DNAI3: variants seen among roughly 807,000 people sequenced by gnomAD.
DNAI3 encodes the protein dynein axonemal intermediate chain 3, also known as WD repeat domain 63.
In DNAI3, 83 loss-of-function variants were observed where a neutral mutation model predicts 115.5. That is an observed-to-expected ratio of 0.72 (90% CI 0.60 to 0.86). The LOEUF (loss-of-function observed/expected upper bound fraction) is 0.86, where lower values mean the gene tolerates loss of function less well. Ranked by LOEUF, DNAI3 falls within the 40% of genes least tolerant of loss-of-function variation. The pLI is 0.00. For synonymous variants in DNAI3, 320 were observed against 347.0 expected (o/e 0.92, Z 0.86); for missense variants, 1,004 against 1,075.8 (o/e 0.93, Z 0.93).
chr1:85,098,218 C>T (rs2100586175), intron 12 of DNAI3, among the ~76,000 whole-genome samples: 1 of 152,220 alleles, frequency 6.6e-6, no homozygotes, highest in South Asian at 2.1e-4. Context: ...AGTCTCTTAC[C>T]AAAGAATGGT....
chr1:85,078,295 G>T (rs1487142276), intron 3 of DNAI3, among the ~76,000 whole-genome samples: 2 of 152,192 alleles, frequency 1.3e-5, no homozygotes, highest in African/African-American at 4.8e-5. Flanking sequence ...GCTAAAAAAT[G>T]GAGACAAATA....
At chr1:85,128,650 G>A in intron 20 of DNAI3, 58 bp from the exon 21 acceptor site, 3 of 1,429,204 alleles carry the variant, frequency 2.1e-6, no homozygotes, top group Admixed American at 1.8e-5. Flanking sequence ...ATGTTTAACT[G>A]CTTAAGATGG....
intron 16 of DNAI3, among the ~76,000 whole-genome samples, chr1:85,110,811 A>G (rs1655640436): frequency 6.6e-6 from 1 of 152,208 alleles, no homozygotes; most frequent in Non-Finnish European, 1.5e-5. Context: ...AAAATAAGTT[A>G]TGAAGTATCA....
intron 5 of DNAI3, 76 bp downstream of exon 5, chr1:85,082,480 C>A: frequency 8.5e-7 from 1 of 1,173,814 alleles, no homozygotes; most frequent in South Asian, 1.3e-5. Flanking sequence ...GGCTCTTGCT[C>A]TGTCACCCAG....
intron 10 of DNAI3, among the ~76,000 whole-genome samples, chr1:85,095,191 A>G (rs576779469): frequency 6.6e-6 from 1 of 152,310 alleles, no homozygotes; most frequent in African/African-American, 2.4e-5. Context: ...TCTAGTTTTC[A>G]TGGTCTGCTC....
At chr1:85,075,937 T>G (rs1654438327) in intron 3 of DNAI3, among the ~76,000 whole-genome samples, 1 of 152,196 alleles carries the variant, frequency 6.6e-6, no homozygotes, top group Non-Finnish European at 1.5e-5. Flanking sequence ...ACAAACTTAG[T>G]GGCTTAAACA....
intron 17 of DNAI3, among the ~76,000 whole-genome samples, chr1:85,118,785 C>T (rs901150713): frequency 6.6e-6 from 1 of 151,960 alleles, no homozygotes; most frequent in East Asian, 1.9e-4. Context: ...GAGGCCATTC[C>T]GATAGGAAGA....
rs116412155 is a variant in DNAI3 at position 85,118,035 on chromosome 1, T to C, written c.1917+176T>C. ...CTCTGATACCTCATAGTTTCACCTT[T>C]AAAATGTTCCTGAACGTATGTGGAC... On this transcript the variant is annotated intron_variant, in intron 17 of 22. Coordinates refer to ENST00000294664, the MANE Select transcript of DNAI3 (RefSeq NM_145172.5). 5.2e-3 allele frequency among the ~76,000 whole-genome samples: 794 copies of C among 152,362 alleles called. 12 individuals carry two copies. Among genetic ancestry groups the C allele is most frequent in the African/African-American group, 0.018 (767 of 41,576 alleles).
chr1:85,115,728 A>T (rs1655796702), intron 16 of DNAI3, among the ~76,000 whole-genome samples: 1 of 152,138 alleles, frequency 6.6e-6, no homozygotes, highest in Non-Finnish European at 1.5e-5. Context: ...GGGGGCAGGC[A>T]TTAGATTCCC....
At chr1:85,109,721 C>A (rs1450847309) in intron 15 of DNAI3, among the ~76,000 whole-genome samples, 2 of 152,038 alleles carry the variant, frequency 1.3e-5, no homozygotes, top group Non-Finnish European at 2.9e-5. Flanking sequence ...AACAGGGTAA[C>A]AAGTAATTAT....
intron 10 of DNAI3, 54 bp from the exon 11 acceptor site, chr1:85,095,877 C>A: frequency 6.6e-7 from 1 of 1,512,686 alleles, no homozygotes; most frequent in Admixed American, 1.7e-5. Flanking sequence ...ATTTTCTCGC[C>A]ATGATCTTAA....
rs775587467 is a variant in DNAI3 at position 85,093,700 on chromosome 1, G to A, written c.1048+52G>A. 17 of 1,608,656 alleles carry A rather than the reference G, an allele frequency of 1.1e-5. No homozygotes were observed. The Admixed American group carries it at 2.8e-4, about 27-fold the overall frequency. On this transcript the variant is annotated intron_variant, in intron 9 of 22. Coordinates refer to ENST00000294664, the MANE Select transcript of DNAI3 (RefSeq NM_145172.5). Reference sequence around the variant, plus strand: ...TTTTGTGATAACATTGAAATTGTCTGTTGCTTTCATATGTAAAATTGCAAA... The same window carrying A: ...TTTTGTGATAACATTGAAATTGTCTATTGCTTTCATATGTAAAATTGCAAA...
chr1:85,122,032 C>T (rs1656007759), intron 18 of DNAI3, among the ~76,000 whole-genome samples: 1 of 152,180 alleles, frequency 6.6e-6, no homozygotes. Flanking sequence ...TACGCCAGGC[C>T]TTCTGAATTG....
In DNAI3 at chr1:85,126,799, T is replaced by C. The variant is rs925988296; in HGVS notation, c.2317+84T>C. On this transcript the variant is annotated intron_variant, in intron 20 of 22. Coordinates refer to ENST00000294664, the MANE Select transcript of DNAI3 (RefSeq NM_145172.5). Reference sequence around the variant, plus strand: ...CATTCATCTGAAAAGCCTCCAATGTTTATTTCTTAGTTTTTTGTTTTTCTT... The same window carrying C: ...CATTCATCTGAAAAGCCTCCAATGTCTATTTCTTAGTTTTTTGTTTTTCTT... 4.0e-6 allele frequency: 6 copies of C among 1,493,080 alleles called. No homozygotes were observed. In the Admixed American group the frequency reaches 1.1e-4, roughly 27 times the overall value. 92.5% of individuals were successfully genotyped at this position (1,493,080 alleles called of 1,614,324 possible).
rs2100614247 is a variant in DNAI3 at position 85,124,181 on chromosome 1, C to T, written c.2042C>T (p.Ser681Leu). 8.7e-6 allele frequency: 14 copies of T among 1,614,228 alleles called. No individual in the cohort carries two copies. Among genetic ancestry groups the T allele is most frequent in the Non-Finnish European group, 1.2e-5 (14 of 1,180,048 alleles). Residue 681 changes from serine to leucine, a missense_variant, in exon 19 of 23, where the codon TCA (serine) becomes TTA (leucine). By Grantham distance (145) the Ser-to-Leu change is moderately radical. Coordinates refer to ENST00000294664, the MANE Select transcript of DNAI3 (RefSeq NM_145172.5). Reference protein sequence around the residue: ...HDGTVHTIQRSPFYNDIILTV... With the variant: ...HDGTVHTIQRLPFYNDIILTV... ...GGAACTGTCCACACTATTCAGAGAT[C>T]ACCTTTCTACAACGACATTATTCTC...
rs1366441267 is a variant in DNAI3 at position 85,062,377 on chromosome 1, G to T, written c.-124G>T. 1 of 152,176 alleles carries T rather than the reference G, an allele frequency of 6.6e-6. No homozygotes were observed. The highest frequency in any genetic ancestry group is 2.4e-5 in the African/African-American group (1 of 41,426). 9.4% of individuals were successfully genotyped at this position (152,176 alleles called of 1,614,324 possible). ...GAGTTGCTGCGGTTTGTGCCCTTGC[G>T]ATTTCTTTTTCTGAGAGAGGAGAGT... On this transcript the variant is annotated 5_prime_UTR_variant, in exon 1 of 23. Coordinates refer to ENST00000294664, the MANE Select transcript of DNAI3 (RefSeq NM_145172.5).
intron 3 of DNAI3, among the ~76,000 whole-genome samples, chr1:85,075,880 C>T (rs1440275290): frequency 9.2e-5 from 14 of 152,230 alleles, no homozygotes; most frequent in East Asian, 5.8e-4. Flanking sequence ...AATTATAATA[C>T]GAGTTAGTGG....
At position 85,084,648 on chromosome 1, in the gene DNAI3, A is replaced by G; in HGVS notation, c.493A>G (p.Ser165Gly). The change falls in exon 6 of 23, where the codon AGT becomes GGT. Residue 165 changes from serine to glycine, a missense_variant. Ser to Gly is a moderately conservative substitution (Grantham distance 56). This residue lies in a region of DNAI3 where 550 missense variants were observed against 568.1 expected (regional missense o/e 0.97). Transcript: ENST00000294664. ...CTCTAAACCATGGGTTTCTTTGGGC[A>G]GTGAAAAAGAAATTGAGGAAGAATC... ...PVSKPWVSLG[S>G]EKEIEEESVT... 1 of 1,561,946 alleles carries G rather than the reference A, an allele frequency of 6.4e-7. No individual in the cohort carries two copies. Among genetic ancestry groups the G allele is most frequent in the Non-Finnish European group, 8.7e-7 (1 of 1,153,940 alleles).
intron 7 of DNAI3, among the ~76,000 whole-genome samples, chr1:85,089,453 T>G (rs748937491): frequency 1.4e-5 from 2 of 146,904 alleles, no homozygotes; most frequent in Non-Finnish European, 3.0e-5. Context: ...GGTGTTCACA[T>G]ACAGAGGCCA....
Sources: gnomAD v4.1 joint callset for allele counts (sites outside exome capture counted in the v4.1 genomes callset) on GRCh38, gnomAD v4.1.1 for gene constraint, gnomAD v4.1.1 regional missense constraint, MANE v1.5 for transcripts, NCBI Gene and HGNC (gene_info 2026-07-23, HGNC 2026-07-21) for gene names.